Variants in LMTK2 observed in about 807,000 individuals in gnomAD.
LMTK2 encodes the protein serine/threonine-protein kinase LMTK2.
LMTK2 carries 37 observed loss-of-function variants against 127.5 expected under a neutral mutation model. The ratio of observed to expected loss-of-function variants is 0.29; its 90% CI spans 0.22 to 0.38. The LOEUF is 0.38. Ranked by LOEUF, LMTK2 falls within the 10% of genes least tolerant of loss-of-function variation. The pLI is 1.00. For missense variants in LMTK2, 1,694 were observed against 1,920.3 expected, an observed-to-expected ratio of 0.88 and a Z score of 2.20; for synonymous variants, 819 against 810.1, an observed-to-expected ratio of 1.01 and a Z score of -0.19.
intron 6 of LMTK2, among the ~76,000 whole-genome samples, chr7:98,164,386 C>A (rs1405504044): frequency 6.6e-6 from 1 of 152,188 alleles, no homozygotes; most frequent in Non-Finnish European, 1.5e-5. Context: ...TAAGCCCCGC[C>A]CCTGACTTGC....
At chr7:98,149,931 C>G (rs1479690971) in intron 3 of LMTK2, among the ~76,000 whole-genome samples, 1 of 81,648 alleles carries the variant, frequency 1.2e-5, no homozygotes, top group African/African-American at 5.0e-5. Context: ...TTTCAAAACT[C>G]AATAATAAGA....
At chr7:98,173,093 G>A (rs1797217869) in intron 7 of LMTK2, among the ~76,000 whole-genome samples, 1 of 152,184 alleles carries the variant, frequency 6.6e-6, no homozygotes, top group African/African-American at 2.4e-5. Flanking sequence ...AGATTTCACA[G>A]TAATATGCTT....
chr7:98,109,773 A>G (rs1243970503), intron 1 of LMTK2, among the ~76,000 whole-genome samples: 3 of 150,626 alleles, frequency 2.0e-5, no homozygotes, highest in Non-Finnish European at 4.4e-5. Flanking sequence ...AGAAAGGAAG[A>G]TGCACAATCA....
chr7:98,153,803 C>G (rs990559010), intron 4 of LMTK2, among the ~76,000 whole-genome samples: 3 of 151,900 alleles, frequency 2.0e-5, no homozygotes, highest in Non-Finnish European at 2.9e-5. Context: ...GAGTTCGAGG[C>G]TGCAGTGAGC....
At position 98,185,087 on chromosome 7, in the gene LMTK2, C is replaced by A. The variant is rs1278162630; in HGVS notation, c.828C>A (p.Asp276Glu). 6.2e-7 allele frequency: 1 copy of A among 1,612,982 alleles called. No individual in the cohort carries two copies. The highest frequency in any genetic ancestry group is 8.5e-7 in the Non-Finnish European group (1 of 1,179,088). The change falls in exon 8 of 14, where the codon GAC (aspartate) becomes GAA (glutamate). Residue 276 changes from aspartate (D) to glutamate (E), a missense_variant. By Grantham distance (45) the Asp-to-Glu change is conservative (BLOSUM62 2). Coordinates refer to ENST00000297293, the MANE Select transcript of LMTK2 (RefSeq NM_014916.4). ...LALRNCFLTS[D>E]LNVKVGDYGI... ...TGCGGAATTGTTTTCTCACCTCCGA[C>A]TTAAATGTGAAAGTGGGAGATTACG...
At chr7:98,125,218 G>A (rs1247208361) in intron 1 of LMTK2, among the ~76,000 whole-genome samples, 1 of 151,670 alleles carries the variant, frequency 6.6e-6, no homozygotes, top group Non-Finnish European at 1.5e-5. Context: ...CAGGAGAATG[G>A]CATGAACCTG....
At chr7:98,178,189 G>A (rs901373440) in intron 7 of LMTK2, among the ~76,000 whole-genome samples, 6 of 152,084 alleles carry the variant, frequency 3.9e-5, no homozygotes, top group Non-Finnish European at 5.9e-5. Flanking sequence ...GTAACTTTCC[G>A]GTATTTTGCT....
intron 3 of LMTK2, among the ~76,000 whole-genome samples, chr7:98,147,796 GCTT>G (rs1796795384): frequency 1.3e-5 from 2 of 152,194 alleles, no homozygotes; most frequent in Admixed American, 1.3e-4. Flanking sequence ...TTCAGGTCAA[GCTT>G]CTTCTAGAAT....
chr7:98,175,720 C>T (rs1228861426), intron 7 of LMTK2, among the ~76,000 whole-genome samples: 1 of 152,182 alleles, frequency 6.6e-6, no homozygotes, highest in Non-Finnish European at 1.5e-5. Flanking sequence ...TGATGTATGT[C>T]ACACAGAAAT....
chr7:98,106,921 C>T lies in LMTK2; in HGVS notation c.-257C>T. On this transcript the variant is annotated 5_prime_UTR_variant, in exon 1 of 14. It introduces an in-frame stop codon into an upstream open reading frame of the 5' UTR. Coordinates refer to ENST00000297293, the MANE Select transcript of LMTK2 (RefSeq NM_014916.4). ...GCGGCTTCCCAGGCCCGCCGCTCCG[C>T]AGGGCTGCTGGCGTTGCTGCTGTTG... 2.2e-6 allele frequency: 1 copy of T among 453,014 alleles called. No homozygotes were observed. The allele number at this position is 453,014 out of a possible 1,614,324, so 28.1% of individuals were successfully genotyped here. A position where few individuals can be genotyped will look rare whatever the true frequency, so the allele number is the denominator to read the frequency against.
intron 11 of LMTK2, 55 bp from the exon 12 acceptor site, chr7:98,203,519 G>A (rs1263943063): frequency 2.5e-5 from 39 of 1,543,024 alleles, no homozygotes; most frequent in East Asian, 4.6e-5. Context: ...GCGGTCACAC[G>A]GGGGGTTCCC....
Position 98,125,339 on chromosome 7 carries a change from T to G in LMTK2, c.104-11976T>G, listed in dbSNP as rs547635967. ...AAAATCTCCCCAGTCCTTTGTTTTA[T>G]TTTTCCATATTGCTTCTTGCCATCT... On this transcript the variant is annotated intron_variant, in intron 1 of 13. Transcript: ENST00000297293. Among the ~76,000 whole-genome samples the G allele has an allele frequency of 8.5e-5, 13 of 152,360 alleles. No individual in the cohort carries two copies. The East Asian group carries it at 2.5e-3, about 29-fold the overall frequency.
In LMTK2 at chr7:98,171,093, C is replaced by T. The variant is rs774365034; in HGVS notation, c.658-448C>T. On this transcript the variant is annotated intron_variant, in intron 6 of 13. Transcript: ENST00000297293. This position sits in a 1 kb window ranked among gnomAD's most constrained non-coding sequence, Gnocchi z 5.1. ...CACCCATTTTTCTTTCCTTCTCTCC[C>T]GCTCCATTGCTCCTCCAAGCTTTGG... Among the ~76,000 whole-genome samples, 2 of 152,152 alleles carry T rather than the reference C, an allele frequency of 1.3e-5. No homozygotes were observed. Among genetic ancestry groups the T allele is most frequent in the Admixed American group, 1.3e-4 (2 of 15,274 alleles).
At chr7:98,188,030 T>A (rs936044135) in intron 9 of LMTK2, among the ~76,000 whole-genome samples, 19 of 152,224 alleles carry the variant, frequency 1.2e-4, no homozygotes, top group Non-Finnish European at 2.5e-4. Context: ...TTAGAGCTGT[T>A]TGAAAATATA....
intron 11 of LMTK2, among the ~76,000 whole-genome samples, chr7:98,203,121 A>AT (rs1797727585): frequency 6.6e-6 from 1 of 152,208 alleles, no homozygotes; most frequent in Non-Finnish European, 1.5e-5. Flanking sequence ...GAAAGCTGGA[A>AT]TTCCCCCTTC....
At chr7:98,205,264 G>T (rs1210460064) in intron 13 of LMTK2, among the ~76,000 whole-genome samples, 200 bp from the exon 14 acceptor site, 1 of 152,238 alleles carries the variant, frequency 6.6e-6, no homozygotes, top group East Asian at 1.9e-4. Context: ...GCGCCCAGCG[G>T]GCATTTGAGC....
chr7:98,165,767 TCAGGCA>T (rs1379129869), intron 6 of LMTK2, among the ~76,000 whole-genome samples: 1 of 152,126 alleles, frequency 6.6e-6, no homozygotes, highest in East Asian at 1.9e-4. Flanking sequence ...CAATTTCTCC[TCAGGCA>T]CCGGGCACAC....
chr7:98,122,488 T>G (rs1796377438), intron 1 of LMTK2, among the ~76,000 whole-genome samples: 1 of 152,098 alleles, frequency 6.6e-6, no homozygotes, highest in Non-Finnish European at 1.5e-5. Flanking sequence ...TGTGGAACAG[T>G]CAACAAATGT....
rs146056893 is a variant in LMTK2 at position 98,193,489 on chromosome 7, G to A, written c.3024G>A (p.Ala1008=). Residue 1008 remains alanine (A), a synonymous_variant, in exon 11 of 14, where the codon GCG becomes GCA. Transcript: ENST00000297293. The surrounding 1 kb of genome is among the most constrained non-coding windows in gnomAD (Gnocchi z 4.1). ...DSLESVDVHE[A]LLDSLGSHTP... Reference sequence around the variant, plus strand: ...TGGAGTCAGTGGATGTCCACGAAGCGCTACTGGACTCTTTAGGATCTCACA... The same window carrying A: ...TGGAGTCAGTGGATGTCCACGAAGCACTACTGGACTCTTTAGGATCTCACA... 701 of 1,614,076 alleles carry A rather than the reference G, an allele frequency of 4.3e-4. 5 individuals are homozygous for A. In the African/African-American group the frequency reaches 8.1e-3, roughly 19 times the overall value.
Sources: allele counts gnomAD v4.1 joint callset (sites outside exome capture counted in the v4.1 genomes callset), GRCh38; gene constraint gnomAD v4.1.1; non-coding constraint Gnocchi (gnomAD v3.1); transcripts MANE v1.5; gene names NCBI Gene and HGNC (gene_info 2026-07-23, HGNC 2026-07-21).